Variants in OR3A2 observed in about 807,000 individuals in gnomAD.
The protein encoded by OR3A2 is olfactory receptor 3A2.
For synonymous variants in OR3A2, 126 were observed against 159.3 expected, an observed-to-expected ratio of 0.79 and a Z score of 1.57; for missense variants, 318 against 392.8, an observed-to-expected ratio of 0.81 and a Z score of 1.61.
At chr17:3,348,253 G>C (rs2049386624) in intron 2 of OR3A2, among the ~76,000 whole-genome samples, 2 of 152,088 alleles carry the variant, frequency 1.3e-5, no homozygotes, top group Admixed American at 6.6e-5. Flanking sequence ...AGTTTAATTA[G>C]ATCCCATTTA....
intron 2 of OR3A2, among the ~76,000 whole-genome samples, chr17:3,367,532 C>T (rs1187300400): frequency 6.7e-6 from 1 of 149,968 alleles, no homozygotes; most frequent in Non-Finnish European, 1.5e-5. Flanking sequence ...TTGCTGCAAA[C>T]GCCATTATTT....
chr17:3,294,787 T>C (rs553827470), intron 3 of OR3A2, among the ~76,000 whole-genome samples: 2 of 152,290 alleles, frequency 1.3e-5, no homozygotes, highest in Admixed American at 1.3e-4. Flanking sequence ...ATGAAGAACA[T>C]GCCTGCAGTC....
chr17:3,361,414 C>A (rs1032988550), intron 2 of OR3A2, among the ~76,000 whole-genome samples: 1 of 151,580 alleles, frequency 6.6e-6, no homozygotes, highest in Non-Finnish European at 1.5e-5. Flanking sequence ...ATTTCTTTCT[C>A]TTACCTGATT....
At chr17:3,278,713 G>T in exon 2 of OR3A2, 1 of 1,330,742 alleles carries the variant, frequency 7.5e-7, no homozygotes, top group South Asian at 1.4e-5. Context: ...AGCACTGACA[G>T]GTTCCCCAGG....
chr17:3,358,420 T>C (rs890523402), intron 2 of OR3A2, among the ~76,000 whole-genome samples: 2 of 151,794 alleles, frequency 1.3e-5, no homozygotes, highest in Non-Finnish European at 2.9e-5. Flanking sequence ...TTTAGTGCTA[T>C]GAATTTCCCT....
chr17:3,337,906 T>C (rs1304982182), intron 2 of OR3A2, among the ~76,000 whole-genome samples: 1 of 152,332 alleles, frequency 6.6e-6, no homozygotes, highest in East Asian at 1.9e-4. Flanking sequence ...GTAAAAGTGT[T>C]CCTATTTCTC....
intron 3 of OR3A2, among the ~76,000 whole-genome samples, chr17:3,321,307 C>G (rs571000057): frequency 2.0e-5 from 3 of 152,116 alleles, no homozygotes; most frequent in Admixed American, 1.3e-4. Context: ...TCTAGATATA[C>G]AATCATGTCA....
intron 2 of OR3A2, among the ~76,000 whole-genome samples, chr17:3,383,568 C>T (rs761569525): frequency 9.9e-5 from 15 of 152,172 alleles, no homozygotes; most frequent in Admixed American, 2.0e-4. Flanking sequence ...CTGCATCACA[C>T]AACCTGCCTA....
intron 3 of OR3A2, among the ~76,000 whole-genome samples, chr17:3,334,730 C>T (rs1203462850): frequency 6.6e-6 from 1 of 152,172 alleles, no homozygotes; most frequent in Non-Finnish European, 1.5e-5. Flanking sequence ...AATATTAGAT[C>T]TTTCCATATA....
At chr17:3,334,590 G>T (rs2049264460) in intron 3 of OR3A2, among the ~76,000 whole-genome samples, 3 of 152,118 alleles carry the variant, frequency 2.0e-5, no homozygotes, top group South Asian at 2.1e-4. Context: ...GTTTTTGACT[G>T]CTCTCACATG....
chr17:3,278,846 TTC>T lies in OR3A2; in HGVS notation c.70_71del (p.Glu24ArgfsTer74), dbSNP rs770940207. On this transcript the variant is annotated frameshift_variant, in exon 2 of 2. Coordinates refer to ENST00000642052, the Ensembl canonical transcript of OR3A2. LOFTEE classifies it low-confidence loss of function (END_TRUNC). ...GCACAAAGACAACTGGCTGCATCTCTTCTGTTTGCACTAGGCCCAGTAGAATG... is the reference window on the plus strand; with the variant it reads ...GCACAAAGACAACTGGCTGCATCTCTTGTTTGCACTAGGCCCAGTAGAATG... 1.3e-6 allele frequency: 2 copies of T among 1,534,072 alleles called. No individual in the cohort carries two copies. Among genetic ancestry groups the T allele is most frequent in the South Asian group, 1.3e-5 (1 of 78,752 alleles).
chr17:3,292,375 A>G, intron 3 of OR3A2: 2 of 1,614,024 alleles, frequency 1.2e-6, no homozygotes, highest in South Asian at 1.1e-5. Context: ...TCCAGCACTG[A>G]TAGGTTCCCC....
At chr17:3,347,748 G>C (rs1361017992) in intron 2 of OR3A2, among the ~76,000 whole-genome samples, 3 of 152,118 alleles carry the variant, frequency 2.0e-5, no homozygotes, top group Non-Finnish European at 4.4e-5. Flanking sequence ...ATAGTCCTTT[G>C]GGTATATACC....
At chr17:3,348,168 G>T (rs2049385465) in intron 2 of OR3A2, among the ~76,000 whole-genome samples, 1 of 152,082 alleles carries the variant, frequency 6.6e-6, no homozygotes, top group South Asian at 2.1e-4. Context: ...TGAGTAGGTT[G>T]TGAAAATTTT....
chr17:3,375,139 C>CTTTTT (rs552615698), intron 2 of OR3A2, among the ~76,000 whole-genome samples: 787 of 28,726 alleles, frequency 0.027, 165 homozygotes, highest in East Asian at 0.055. Flanking sequence ...AGCCTTCTTC[C>CTTTTT]TTTTTTTTTT....
chr17:3,363,227 C>G (rs1700064216), intron 2 of OR3A2, among the ~76,000 whole-genome samples: 1 of 151,602 alleles, frequency 6.6e-6, no homozygotes, highest in South Asian at 2.1e-4. Context: ...ATTTTTCAAA[C>G]TTTTATGCTC....
chr17:3,355,442 CT>C (rs2049458696), intron 2 of OR3A2, among the ~76,000 whole-genome samples: 1 of 147,438 alleles, frequency 6.8e-6, no homozygotes, highest in Non-Finnish European at 1.5e-5. Flanking sequence ...CTCTCTCTCT[CT>C]CTCTCTCTCT....
At chr17:3,289,651 G>T (rs1347382807) in intron 3 of OR3A2, among the ~76,000 whole-genome samples, 1 of 152,214 alleles carries the variant, frequency 6.6e-6, no homozygotes, top group Admixed American at 6.5e-5. Flanking sequence ...CAAACTAACA[G>T]ACTCAGAGAA....
At chr17:3,372,850 AGAGGGAGAGGGAGAGGGAGAGGG>A in intron 2 of OR3A2, among the ~76,000 whole-genome samples, 1 of 8,510 alleles carries the variant, frequency 1.2e-4, no homozygotes, top group East Asian at 8.9e-3. Context: ...AAGGAGAAGG[AGAGGGAGAGGGAGAGGGAGAGGG>A]AGAGGGAGAG....
Sources: allele counts gnomAD v4.1 joint callset (sites outside exome capture counted in the v4.1 genomes callset), GRCh38; gene constraint gnomAD v4.1.1; transcripts MANE v1.5; gene names NCBI Gene and HGNC (gene_info 2026-07-23, HGNC 2026-07-21).